The following LOXL3 variants were observed in gnomAD, a reference collection of about 807,000 sequenced individuals.
The protein encoded by LOXL3 is lysyl oxidase homolog 3.
A neutral mutation model predicts 91.8 loss-of-function variants in LOXL3; 60 were observed. That is an observed-to-expected ratio of 0.65 (90% confidence interval 0.53 to 0.81). LOXL3 has a LOEUF of 0.81. Among genes scored for constraint, LOXL3 ranks in the 30% least tolerant of loss-of-function variants. LOXL3 has a pLI of 0.00. For missense variants in LOXL3, 874 were observed against 1,000.4 expected, an observed-to-expected ratio of 0.87 and a Z score of 1.70; for synonymous variants, 355 against 387.6, an observed-to-expected ratio of 0.92 and a Z score of 0.99.
upstream of LOXL3, chr2:74,554,703 G>GCCCCGCCTCCCGCCTCCCA: frequency 6.3e-7 from 1 of 1,588,746 alleles, no homozygotes; most frequent in Non-Finnish European, 8.6e-7. The surrounding 1 kb of genome is among the most constrained non-coding windows in gnomAD (Gnocchi z 4.9). Context: ...CCCGCCTCCC[G>GCCCCGCCTCCCGCCTCCCA]CCCCGCCTCC....
intron 4 of LOXL3, among the ~76,000 whole-genome samples, chr2:74,548,854 C>T (rs182784431): frequency 6.6e-6 from 1 of 151,980 alleles, no homozygotes; most frequent in Non-Finnish European, 1.5e-5. Context: ...TTCACATACG[C>T]GCCCCGCCCC....
rs1386026810 is a variant in LOXL3, at chr2:74,535,351, G to T, written c.1520C>A (p.Thr507Asn). The change falls in exon 9 of 14, where the codon ACC becomes AAC. Residue 507 changes from threonine to asparagine, a missense_variant. Coordinates refer to ENST00000264094, the MANE Select transcript of LOXL3 (RefSeq NM_032603.5). The surrounding 1 kb of genome is among the most constrained non-coding windows in gnomAD (Gnocchi z 4.2). ...CCCTGTCCTCTTGCAGGTGATGTGG[G>T]TGCCATGATGGGCACACTGATCCAG... is the stretch of plus-strand genomic sequence containing the variant. Reference protein sequence around the residue: ...LSLDQCAHHGTHITCKRTGTR... With the variant: ...LSLDQCAHHGNHITCKRTGTR... 6.2e-7 allele frequency: 1 copy of T among 1,614,038 alleles called. No individual in the cohort carries two copies. Among genetic ancestry groups the T allele is most frequent in the East Asian group, 2.2e-5 (1 of 44,878 alleles).
intron 4 of LOXL3, chr2:74,539,645 C>T (rs1676208019): frequency 6.6e-6 from 1 of 152,504 alleles, no homozygotes; most frequent in Non-Finnish European, 1.5e-5. Flanking sequence ...ATGCCTGCTC[C>T]CTTCACCTCC....
chr2:74,543,929 GAAA>G lies in LOXL3; in HGVS notation c.692+5437_692+5439del, dbSNP rs1676465685. Among the ~76,000 whole-genome samples, 4 of 130,778 alleles carry G rather than the reference GAAA, an allele frequency of 3.1e-5. No individual in the cohort carries two copies. The South Asian group carries it at 9.6e-4, about 31-fold the overall frequency. 85.8% of individuals were successfully genotyped at this position (130,778 alleles called of 152,430 possible). A position where few individuals can be genotyped will look rare whatever the true frequency, so the allele number is the denominator to read the frequency against. The stretch of plus-strand genomic sequence containing the variant: ...AAAAAAAAAAAAAAAAAAAAGAAAA[GAAA>G]AGAAAAAAAAGAAATAGATTCAAAT... On this transcript the variant is annotated intron_variant, in intron 4 of 13. Transcript: ENST00000264094.
At chr2:74,540,853 C>G (rs1676286562) in intron 4 of LOXL3, among the ~76,000 whole-genome samples, 1 of 151,986 alleles carries the variant, frequency 6.6e-6, no homozygotes, top group South Asian at 2.1e-4. Flanking sequence ...GAAGCAGGGT[C>G]TCACTATGTT....
chr2:74,555,413 G>A (rs953618413), upstream of LOXL3: 3 of 1,611,282 alleles, frequency 1.9e-6, no homozygotes, highest in Non-Finnish European at 2.5e-6. This position sits in a 1 kb window ranked among gnomAD's most constrained non-coding sequence, Gnocchi z 6.1. Flanking sequence ...GCGCCGTCCA[G>A]TGCAGCCTGG....
In LOXL3 at chr2:74,534,208, G is replaced by C; in HGVS notation, c.1968C>G (p.Asn656Lys). 6.2e-7 allele frequency: 1 copy of C among 1,614,164 alleles called. No individual in the cohort carries two copies. The highest frequency in any genetic ancestry group is 1.1e-5 in the South Asian group (1 of 91,076). The change falls in exon 12 of 14, where the codon AAC becomes AAG. Residue 656 changes from asparagine to lysine, a missense_variant. Asn to Lys is a moderately conservative substitution (Grantham distance 94). Coordinates refer to ENST00000264094, the MANE Select transcript of LOXL3 (RefSeq NM_032603.5). The part of the protein sequence containing the change: ...EDVSKRYECA[N>K]FGEQGITVGC... ...CCACAGTGATGCCTTGCTCTCCAAAGTTGGCACACTCATACCGCTTGGAGA... is the reference window on the plus strand; with the variant it reads ...CCACAGTGATGCCTTGCTCTCCAAACTTGGCACACTCATACCGCTTGGAGA...
chr2:74,555,078 G>A (rs1186510171), upstream of LOXL3: 3 of 1,514,292 alleles, frequency 2.0e-6, no homozygotes, highest in African/African-American at 2.8e-5. The surrounding 1 kb of genome is among the most constrained non-coding windows in gnomAD (Gnocchi z 6.1). Flanking sequence ...GACTTGCGCC[G>A]CAACCTCCTT....
At chr2:74,554,363 A>G (rs1677234422), upstream of LOXL3, 1 of 207,532 alleles carries the variant, frequency 4.8e-6, no homozygotes, top group Non-Finnish European at 9.7e-6. The surrounding 1 kb of genome is among the most constrained non-coding windows in gnomAD (Gnocchi z 4.9). Flanking sequence ...GGGTAAATAA[A>G]GCCCCGGAGG....
rs1186564609 is a variant in LOXL3 at position 74,550,486 on chromosome 2, A to G, written c.314-138T>C. ...ATCTTTCTGGTATGATAAGGGGTGG[A>G]GACGGGACAGGGGACCCTGGCAGGG... On this transcript the variant is annotated intron_variant, in intron 2 of 13. Coordinates refer to ENST00000264094, the MANE Select transcript of LOXL3 (RefSeq NM_032603.5). 4.3e-6 allele frequency: 4 copies of G among 923,596 alleles called. No homozygotes were observed. The East Asian group carries it at 1.0e-4, about 24-fold the overall frequency. The allele number at this position is 923,596 out of a possible 1,614,324, so 57.2% of individuals were successfully genotyped here.
Position 74,535,471 on chromosome 2 carries a change from A to T in LOXL3, c.1417-17T>A, listed in dbSNP as rs1675960336. The T allele has an allele frequency of 6.2e-7, 1 of 1,613,538 alleles. No individual in the cohort carries two copies. The highest frequency in any genetic ancestry group is 8.5e-7 in the Non-Finnish European group (1 of 1,180,010). On this transcript the variant is annotated splice_polypyrimidine_tract_variant and intron_variant, in intron 8 of 13. Transcript: ENST00000264094. The surrounding 1 kb of genome is among the most constrained non-coding windows in gnomAD (Gnocchi z 4.2). The stretch of plus-strand genomic sequence containing the variant: ...CCAGGTCTCCTGGGGACATATGCAG[A>T]TGTTTCTGTAAGGCCCAGGATCCAG...
chr2:74,552,413 G>A lies in LOXL3; in HGVS notation c.222C>T (p.Phe74=). The A allele has an allele frequency of 6.2e-7, 1 of 1,613,830 alleles. No individual in the cohort carries two copies. The highest frequency in any genetic ancestry group is 1.3e-5 in the African/African-American group (1 of 75,076). Residue 74 remains phenylalanine (F), a synonymous_variant, in exon 2 of 14, where the codon TTC becomes TTT. Transcript: ENST00000264094. ...AGAGGATGTGGGCAGCCTGCAGCGTGAAGTCATCATCGCAGATGGTGCCCC... is the reference window on the plus strand; with the variant it reads ...AGAGGATGTGGGCAGCCTGCAGCGTAAAGTCATCATCGCAGATGGTGCCCC... ...GEWGTICDDD[F]TLQAAHILCR...
chr2:74,533,995 T>C lies in LOXL3; in HGVS notation c.2077-2A>G. 1 of 1,613,520 alleles carries C rather than the reference T, an allele frequency of 6.2e-7. No homozygotes were observed. Among genetic ancestry groups the C allele is most frequent in the Non-Finnish European group, 8.5e-7 (1 of 1,179,488 alleles). On this transcript the variant is annotated splice_acceptor_variant, in intron 12 of 13. Coordinates refer to ENST00000264094, the MANE Select transcript of LOXL3 (RefSeq NM_032603.5). LOFTEE classifies it high-confidence loss of function. ...TTCAAAGTTTGGGTTGATGACAACC[T>C]GTGAGTGAGAAAAAGGCCACTTAAC...
chr2:74,551,619 C>T (rs1249506950), intron 2 of LOXL3, among the ~76,000 whole-genome samples: 1 of 152,260 alleles, frequency 6.6e-6, no homozygotes, highest in Admixed American at 6.5e-5. Flanking sequence ...AGGCAGCTCT[C>T]CTCTGAAAGT....
chr2:74,554,844 T>C, upstream of LOXL3: 4 of 1,613,010 alleles, frequency 2.5e-6, no homozygotes, highest in Non-Finnish European at 1.7e-6. This position sits in a 1 kb window ranked among gnomAD's most constrained non-coding sequence, Gnocchi z 4.9. Flanking sequence ...CCGAACCTTA[T>C]CCGGGCTAGT....
chr2:74,552,803 C>T, intron 1 of LOXL3, 157 bp from the exon 2 acceptor site: 1 of 653,150 alleles, frequency 1.5e-6, no homozygotes, highest in Non-Finnish European at 2.6e-6. Flanking sequence ...GACCAAGAGA[C>T]AGGGAGAGAA....
At chr2:74,555,633 T>C, upstream of LOXL3, 1 of 1,614,092 alleles carries the variant, frequency 6.2e-7, no homozygotes, top group Non-Finnish European at 8.5e-7. The surrounding 1 kb of genome is among the most constrained non-coding windows in gnomAD (Gnocchi z 6.1). Context: ...GCCCTGGAGA[T>C]GCTGGAGAAC....
At chr2:74,551,513 T>C (rs1253374339) in intron 2 of LOXL3, among the ~76,000 whole-genome samples, 2 of 152,262 alleles carry the variant, frequency 1.3e-5, no homozygotes, top group Non-Finnish European at 2.9e-5. Flanking sequence ...AAACAACCAT[T>C]ACGCCATTGC....
chr2:74,549,694 G>A lies in LOXL3; in HGVS notation c.478-111C>T. The A allele has an allele frequency of 6.9e-7, 1 of 1,453,930 alleles. No individual in the cohort carries two copies. Among genetic ancestry groups the A allele is most frequent in the Non-Finnish European group, 9.1e-7 (1 of 1,099,060 alleles). The allele number at this position is 1,453,930 out of a possible 1,614,324, so 90.1% of individuals were successfully genotyped here. ...CCTGCTGTAAACCCAGTGGCGGGAT[G>A]GGCCCGAGGCGGCGCTGAGAGAGCG... is the stretch of plus-strand genomic sequence containing the variant. On this transcript the variant is annotated intron_variant, in intron 3 of 13. Coordinates refer to ENST00000264094, the MANE Select transcript of LOXL3 (RefSeq NM_032603.5). This position sits in a 1 kb window ranked among gnomAD's most constrained non-coding sequence, Gnocchi z 5.3.
Sources: allele counts gnomAD v4.1 joint callset (sites outside exome capture counted in the v4.1 genomes callset), GRCh38; gene constraint gnomAD v4.1.1; non-coding constraint Gnocchi (gnomAD v3.1); transcripts MANE v1.5; gene names NCBI Gene and HGNC (gene_info 2026-07-23, HGNC 2026-07-21).